Variants in ATRNL1 observed in about 807,000 individuals in gnomAD.
ATRNL1 encodes the protein attractin like 1, also known as attractin-like protein 1.
ATRNL1 carries 95 observed loss-of-function variants against 182.7 expected under a neutral mutation model. The observed-to-expected ratio is 0.52, with a 90% CI of 0.44 to 0.62. ATRNL1 has a LOEUF of 0.62. ATRNL1 is among the 20% of genes least tolerant of loss of function. The pLI, the probability that ATRNL1 is intolerant of heterozygous loss-of-function variation, is 0.00. For missense variants in ATRNL1, 1,471 were observed against 1,679.5 expected (o/e 0.88, Z 2.17); for synonymous variants, 576 against 568.3 (o/e 1.01, Z -0.19).
intron 28 of ATRNL1, among the ~76,000 whole-genome samples, chr10:115,858,727 G>A (rs1951243215): frequency 6.6e-6 from 1 of 151,998 alleles, no homozygotes; most frequent in Non-Finnish European, 1.5e-5. Flanking sequence ...AAGTTTGTGA[G>A]GTCCTCCATT....
At chr10:115,506,278 C>A (rs906525562) in intron 24 of ATRNL1, among the ~76,000 whole-genome samples, 1 of 151,746 alleles carries the variant, frequency 6.6e-6, no homozygotes, top group Admixed American at 6.6e-5. Context: ...GTTGGTTAAA[C>A]CCAATGGGAA....
intron 27 of ATRNL1, among the ~76,000 whole-genome samples, chr10:115,764,203 G>A (rs1314658866): frequency 6.6e-6 from 1 of 152,118 alleles, no homozygotes; most frequent in Admixed American, 6.5e-5. Flanking sequence ...GGTAGGTACT[G>A]AGATTTCCTA....
chr10:115,121,312 A>G (rs1166804653), intron 2 of ATRNL1, among the ~76,000 whole-genome samples: 2 of 152,144 alleles, frequency 1.3e-5, no homozygotes, highest in Non-Finnish European at 2.9e-5. Flanking sequence ...GGGTTTTACC[A>G]TGTTGGCCAG....
intron 27 of ATRNL1, among the ~76,000 whole-genome samples, chr10:115,814,963 A>T (rs1950127745): frequency 6.6e-6 from 1 of 152,146 alleles, no homozygotes. Context: ...ACATTTTCAG[A>T]TGGCAAAGAA....
intron 20 of ATRNL1, among the ~76,000 whole-genome samples, chr10:115,402,355 C>A (rs1194078287): frequency 1.3e-5 from 2 of 151,880 alleles, no homozygotes; most frequent in Non-Finnish European, 2.9e-5. Context: ...ATGTCTGCAC[C>A]CCTGGTTTCT....
intron 27 of ATRNL1, among the ~76,000 whole-genome samples, chr10:115,827,867 G>A (rs782814036): frequency 6.6e-5 from 10 of 152,060 alleles, no homozygotes; most frequent in Non-Finnish European, 1.2e-4. Context: ...GAATGTTTCC[G>A]TGGGGCTGTC....
At chr10:115,287,091 T>C (rs1469919620) in intron 15 of ATRNL1, among the ~76,000 whole-genome samples, 1 of 151,980 alleles carries the variant, frequency 6.6e-6, no homozygotes, top group Non-Finnish European at 1.5e-5. Flanking sequence ...ACTTGCTATA[T>C]AGAAACAAGT....
At chr10:115,927,505 A>G (rs986495614) in intron 28 of ATRNL1, among the ~76,000 whole-genome samples, 4 of 152,142 alleles carry the variant, frequency 2.6e-5, no homozygotes, top group East Asian at 1.9e-4. Flanking sequence ...GAATCTTGCT[A>G]TGATCTAAGA....
intron 27 of ATRNL1, among the ~76,000 whole-genome samples, chr10:115,818,360 T>C (rs1207719755): frequency 6.6e-6 from 1 of 152,106 alleles, no homozygotes; most frequent in Non-Finnish European, 1.5e-5. Flanking sequence ...TACTTTCAGG[T>C]TAACCAACAG....
chr10:115,100,439 TG>T, intron 1 of ATRNL1, among the ~76,000 whole-genome samples: 1 of 152,302 alleles, frequency 6.6e-6, no homozygotes, highest in Non-Finnish European at 1.5e-5. Context: ...TTTCTATATA[TG>T]GGGAGAGGTA....
Position 115,750,200 on chromosome 10 carries a change from A to G in ATRNL1, c.3903+22845A>G, listed in dbSNP as rs138008447. Among the ~76,000 whole-genome samples the G allele has an allele frequency of 3.5e-3, 537 of 152,096 alleles. 3 individuals carry two copies. Among genetic ancestry groups the G allele is most frequent in the Middle Eastern group, 0.014 (4 of 294 alleles). ...ATAATAAAATACTTTAATTTCAATT[A>G]CAGACACTAATGGGCAGGTTGTTAA... On this transcript the variant is annotated intron_variant, in intron 27 of 28. Transcript: ENST00000355044.
At chr10:115,565,116 T>C (rs7072927) in intron 26 of ATRNL1, among the ~76,000 whole-genome samples, 12,597 of 152,004 alleles carry the variant, frequency 0.083, 1,709 homozygotes, top group African/African-American at 0.28. Context: ...CCAATCCAGC[T>C]ATGTAATTCT....
chr10:115,616,742 C>G (rs1420724877), intron 26 of ATRNL1, among the ~76,000 whole-genome samples: 1 of 152,208 alleles, frequency 6.6e-6, no homozygotes, highest in Non-Finnish European at 1.5e-5. Context: ...AAGCCATAAG[C>G]CTTGGTGGCT....
chr10:115,731,970 A>G (rs1947812735), intron 27 of ATRNL1, among the ~76,000 whole-genome samples: 1 of 152,094 alleles, frequency 6.6e-6, no homozygotes, highest in African/African-American at 2.4e-5. Context: ...TTTAAAGTTG[A>G]TACGTGTTGT....
chr10:115,650,016 T>G (rs1465393520), intron 26 of ATRNL1, among the ~76,000 whole-genome samples: 1 of 152,162 alleles, frequency 6.6e-6, no homozygotes, highest in Non-Finnish European at 1.5e-5. Context: ...TTATCTATGT[T>G]TCTTTACAAA....
intron 24 of ATRNL1, among the ~76,000 whole-genome samples, chr10:115,500,920 CTTTTTTT>C (rs71010023): frequency 3.7e-5 from 2 of 54,434 alleles, no homozygotes; most frequent in African/African-American, 8.0e-5. Context: ...TCAGGTAAGA[CTTTTTTT>C]TTTTTTTTTT....
intron 26 of ATRNL1, among the ~76,000 whole-genome samples, chr10:115,703,915 G>A (rs1946817079): frequency 6.6e-6 from 1 of 151,712 alleles, no homozygotes; most frequent in African/African-American, 2.4e-5. Context: ...TTGATCTACG[G>A]CTTGATTTTC....
chr10:115,791,502 A>G lies in ATRNL1; in HGVS notation c.3904-56375A>G, dbSNP rs148425740. Among the ~76,000 whole-genome samples, 1,389 of 152,212 alleles carry G rather than the reference A, an allele frequency of 9.1e-3. 8 individuals are homozygous for G. Among genetic ancestry groups the G allele is most frequent in the Middle Eastern group, 0.017 (5 of 294 alleles). ...TTCAACTTTTATGATAGTCATTCCC[A>G]TATGTTTTCTTATTATTTTATCAAT... On this transcript the variant is annotated intron_variant, in intron 27 of 28. Transcript: ENST00000355044.
At position 115,947,203 on chromosome 10, in the gene ATRNL1, G is replaced by C. The variant is rs1953894220; in HGVS notation, c.*2424G>C. On this transcript the variant is annotated 3_prime_UTR_variant, in exon 29 of 29. Transcript: ENST00000355044. ...ATCAAGGATCAAGGATAATCACTTT[G>C]AATCTGTTGGTTTTTCCCCCTACAT... 6.6e-6 allele frequency: 1 copy of C among 152,552 alleles called. No homozygotes were observed. The highest frequency in any genetic ancestry group is 1.5e-5 in the Non-Finnish European group (1 of 68,030). 9.4% of individuals were successfully genotyped at this position (152,552 alleles called of 1,614,324 possible). A position where few individuals can be genotyped will look rare whatever the true frequency, so the allele number is the denominator to read the frequency against.
Sources: gnomAD v4.1 joint callset for allele counts (sites outside exome capture counted in the v4.1 genomes callset) on GRCh38, gnomAD v4.1.1 for gene constraint, MANE v1.5 for transcripts, NCBI Gene and HGNC (gene_info 2026-07-23, HGNC 2026-07-21) for gene names.